The following WDR45B variants were observed in gnomAD, a reference collection of about 807,000 sequenced individuals.
The protein encoded by WDR45B is WD repeat domain 45B, also known as WD repeat domain phosphoinositide-interacting protein 3.
In WDR45B, 20 loss-of-function variants were observed where a neutral mutation model predicts 44.6. The ratio of observed to expected loss-of-function variants is 0.45; its 90% confidence interval spans 0.32 to 0.65. The LOEUF is 0.65. Among genes scored for constraint, WDR45B ranks in the 30% least tolerant of loss-of-function variants. WDR45B has a pLI of 0.05. For synonymous variants in WDR45B, 169 were observed against 164.9 expected, an observed-to-expected ratio of 1.02 and a Z score of -0.19; for missense variants, 323 against 430.2, an observed-to-expected ratio of 0.75 and a Z score of 2.20.
chr17:82,615,649 A>G lies in WDR45B; in HGVS notation c.*270T>C, dbSNP rs1216267035. 1.0e-5 allele frequency: 5 copies of G among 500,286 alleles called. No individual in the cohort carries two copies. The highest frequency in any genetic ancestry group is 1.8e-5 in the Non-Finnish European group (5 of 273,454). The allele number at this position is 500,286 out of a possible 1,614,324, so 31.0% of individuals were successfully genotyped here. A position where few individuals can be genotyped will look rare whatever the true frequency, so the allele number is the denominator to read the frequency against. Reference sequence around the variant, plus strand: ...AGGATGCGGCGGAGCCACTGAAGCTAACGTCACAGCTGAACTCATGGGAAC... The same window carrying G: ...AGGATGCGGCGGAGCCACTGAAGCTGACGTCACAGCTGAACTCATGGGAAC... On this transcript the variant is annotated 3_prime_UTR_variant, in exon 10 of 10. Coordinates refer to ENST00000392325, the MANE Select transcript of WDR45B (RefSeq NM_019613.4).
At chr17:82,626,055 G>A (rs185465580) in intron 4 of WDR45B, 3 of 159,794 alleles carry the variant, frequency 1.9e-5, no homozygotes, top group Non-Finnish European at 4.1e-5. Context: ...GCTAATTTTT[G>A]TATTTTTAGT....
chr17:82,626,904 C>A, intron 4 of WDR45B: 1 of 462,356 alleles, frequency 2.2e-6, no homozygotes, highest in East Asian at 4.4e-5. Flanking sequence ...GTCCTCAGCT[C>A]TGCACATGTC....
intron 2 of WDR45B, among the ~76,000 whole-genome samples, chr17:82,634,669 A>C (rs946250696): frequency 7.9e-5 from 12 of 151,998 alleles, no homozygotes; most frequent in Admixed American, 7.2e-4. Flanking sequence ...GGAGAAATGA[A>C]CAAACAGCAC....
chr17:82,645,291 C>A (rs2045961957), intron 1 of WDR45B, among the ~76,000 whole-genome samples: 1 of 150,344 alleles, frequency 6.7e-6, no homozygotes, highest in Non-Finnish European at 1.5e-5. Context: ...CAGCAAGACT[C>A]CGTCTCAAAA....
At chr17:82,624,908 G>A (rs752587991) in intron 5 of WDR45B, among the ~76,000 whole-genome samples, 9 of 151,988 alleles carry the variant, frequency 5.9e-5, no homozygotes, top group Admixed American at 3.9e-4. Context: ...GTGAGCCACC[G>A]CGCCCGGCCA....
chr17:82,622,230 T>C (rs926288122), intron 5 of WDR45B, among the ~76,000 whole-genome samples: 1 of 152,106 alleles, frequency 6.6e-6, no homozygotes, highest in Non-Finnish European at 1.5e-5. Context: ...GACCTATCCA[T>C]GGACTGTAAC....
intron 1 of WDR45B, among the ~76,000 whole-genome samples, chr17:82,647,163 A>T (rs540807771): frequency 1.2e-3 from 182 of 152,280 alleles, no homozygotes; most frequent in African/African-American, 3.9e-3. Context: ...CGGGAGGAGG[A>T]GGTTGCAGTG....
At chr17:82,622,288 T>C (rs2045629716) in intron 5 of WDR45B, among the ~76,000 whole-genome samples, 2 of 152,202 alleles carry the variant, frequency 1.3e-5, no homozygotes, top group South Asian at 4.1e-4. Context: ...GCTGGTCTTG[T>C]GATCGTGGGC....
chr17:82,638,358 G>T (rs1409654695), intron 2 of WDR45B, among the ~76,000 whole-genome samples: 3 of 150,810 alleles, frequency 2.0e-5, no homozygotes, highest in Non-Finnish European at 4.4e-5. Flanking sequence ...AGGGTGAAAG[G>T]GGGGTAGGAG....
intron 5 of WDR45B, among the ~76,000 whole-genome samples, chr17:82,623,374 G>C (rs1241979345): frequency 1.0e-4 from 12 of 119,874 alleles, no homozygotes; most frequent in African/African-American, 3.5e-4. Context: ...GCAACAGAGC[G>C]AGACTCTATC....
In WDR45B at chr17:82,636,859, G is replaced by A. The variant is rs181851209; in HGVS notation, c.143-5837C>T. ...TCCCCTGAAACTGCACGTCTCACAC[G>A]CTCCACCTCTGTACCTCACATCCCC... is the stretch of plus-strand genomic sequence containing the variant. On this transcript the variant is annotated intron_variant, in intron 2 of 9. Coordinates refer to ENST00000392325, the MANE Select transcript of WDR45B (RefSeq NM_019613.4). 8.1e-4 allele frequency among the ~76,000 whole-genome samples: 123 copies of A among 151,908 alleles called. 1 individual carries two copies. Among genetic ancestry groups the A allele is most frequent in the Non-Finnish European group, 1.1e-3 (76 of 68,008 alleles).
intron 2 of WDR45B, among the ~76,000 whole-genome samples, chr17:82,633,859 T>C (rs2045799392): frequency 6.6e-6 from 1 of 151,342 alleles, no homozygotes; most frequent in Non-Finnish European, 1.5e-5. Context: ...AATTAAAAAA[T>C]AATAAAAAGG....
At chr17:82,639,821 A>G (rs1367382080) in intron 2 of WDR45B, among the ~76,000 whole-genome samples, 97 of 79,452 alleles carry the variant, frequency 1.2e-3, no homozygotes, top group Admixed American at 2.6e-3. Context: ...TGTGTGTGTC[A>G]GGTCGGGAGG....
At chr17:82,634,150 C>CA (rs36183298) in intron 2 of WDR45B, among the ~76,000 whole-genome samples, 890 of 31,384 alleles carry the variant, frequency 0.028, 37 homozygotes, top group Middle Eastern at 0.11. Flanking sequence ...GACTCCATCT[C>CA]AAAAAAAAAA....
At chr17:82,616,418 G>A (rs1211613791) in intron 9 of WDR45B, 106 bp downstream of exon 9, 1 of 1,577,528 alleles carries the variant, frequency 6.3e-7, no homozygotes, top group Non-Finnish European at 8.7e-7. Context: ...GGCCATCGGT[G>A]CCACAGCGCG....
chr17:82,623,906 G>A (rs1035613635), intron 5 of WDR45B, among the ~76,000 whole-genome samples: 7 of 151,944 alleles, frequency 4.6e-5, no homozygotes, highest in African/African-American at 1.7e-4. Context: ...ACACACGCAC[G>A]GAACGGCTAC....
chr17:82,623,700 A>AT (rs1218410565), intron 5 of WDR45B, among the ~76,000 whole-genome samples: 1 of 138,970 alleles, frequency 7.2e-6, no homozygotes, highest in Non-Finnish European at 1.6e-5. Flanking sequence ...CCCATCTCAT[A>AT]TTAAAAAAAA....
chr17:82,619,775 AC>A (rs1598259547), intron 6 of WDR45B, among the ~76,000 whole-genome samples: 1 of 151,996 alleles, frequency 6.6e-6, no homozygotes, highest in African/African-American at 2.4e-5. Context: ...ATATCCTTCA[AC>A]CCAGCAGCCC....
In WDR45B at chr17:82,614,756, C is replaced by T. The variant is rs1299310863; in HGVS notation, c.*1163G>A. ...AAAGAAACCGGCAAAACCGAGAACT[C>T]GCTGCTATGCAGGTTTTACATGTTT... On this transcript the variant is annotated 3_prime_UTR_variant, in exon 10 of 10. Transcript: ENST00000392325. The T allele has an allele frequency of 5.3e-5, 8 of 152,292 alleles. No individual in the cohort carries two copies. The highest frequency in any genetic ancestry group is 8.8e-5 in the Non-Finnish European group (6 of 68,034). 9.4% of individuals were successfully genotyped at this position (152,292 alleles called of 1,614,324 possible).
Sources: gnomAD v4.1 joint callset for allele counts (sites outside exome capture counted in the v4.1 genomes callset) on GRCh38, gnomAD v4.1.1 for gene constraint, MANE v1.5 for transcripts, NCBI Gene and HGNC (gene_info 2026-07-23, HGNC 2026-07-21) for gene names.